CDK14: variants seen among roughly 807,000 people sequenced by gnomAD.
CDK14 encodes the protein cyclin dependent kinase 14.
CDK14 carries 34 observed loss-of-function variants against 60.7 expected under a neutral mutation model. That is an observed-to-expected ratio of 0.56 (90% CI 0.43 to 0.75). CDK14 has a LOEUF of 0.75. Ranked by LOEUF, CDK14 falls within the 30% of genes least tolerant of loss-of-function variation. The pLI is 0.00. For missense variants in CDK14, 482 were observed against 564.1 expected, an observed-to-expected ratio of 0.85 and a Z score of 1.47; for synonymous variants, 197 against 203.7, an observed-to-expected ratio of 0.97 and a Z score of 0.28.
At chr7:91,158,368 A>G (rs1801057216) in intron 14 of CDK14, among the ~76,000 whole-genome samples, 1 of 151,854 alleles carries the variant, frequency 6.6e-6, no homozygotes, top group Admixed American at 6.6e-5. Flanking sequence ...ACATGCTATC[A>G]TGCCCAGCTA....
In CDK14 at chr7:90,660,960, G is replaced by A. The variant is rs933032737; in HGVS notation, c.123+56711G>A. ...TACCTTTTTGTGGCCCAACTGCAAAGCAGTGGCTCCTGAGTCACAGGAGGT... is the reference window on the plus strand; with the variant it reads ...TACCTTTTTGTGGCCCAACTGCAAAACAGTGGCTCCTGAGTCACAGGAGGT... On this transcript the variant is annotated intron_variant, in intron 2 of 14. Transcript: ENST00000380050. Among the ~76,000 whole-genome samples the A allele has an allele frequency of 7.2e-5, 11 of 152,210 alleles. No homozygotes were observed. In the East Asian group the frequency reaches 2.1e-3, roughly 29 times the overall value.
intron 8 of CDK14, among the ~76,000 whole-genome samples, chr7:90,947,322 A>G (rs953495474): frequency 6.6e-6 from 1 of 152,136 alleles, no homozygotes; most frequent in African/African-American, 2.4e-5. Flanking sequence ...GCTACCATCC[A>G]ATGTGAGCCC....
In CDK14 at chr7:90,833,363, T is replaced by C. The variant is rs753750111; in HGVS notation, c.545-29812T>C. Among the ~76,000 whole-genome samples, 4 of 152,328 alleles carry C rather than the reference T, an allele frequency of 2.6e-5. No individual in the cohort carries two copies. In the South Asian group the frequency reaches 6.2e-4, roughly 24 times the overall value. ...CATTTATAAATGCATACCCCAGATA[T>C]ACTGAATCAGAATCTTTGAGGCTGA... On this transcript the variant is annotated intron_variant, in intron 5 of 14. Transcript: ENST00000380050.
intron 11 of CDK14, among the ~76,000 whole-genome samples, chr7:91,079,044 G>T (rs1050773157): frequency 2.0e-5 from 3 of 152,120 alleles, no homozygotes; most frequent in African/African-American, 7.2e-5. Context: ...TTTGGTCAGA[G>T]AAATCATCAT....
At chr7:90,720,262 G>A (rs989251760) in intron 2 of CDK14, among the ~76,000 whole-genome samples, 9 of 152,276 alleles carry the variant, frequency 5.9e-5, no homozygotes, top group Admixed American at 4.6e-4. Flanking sequence ...CCGAGTGGGT[G>A]GGATTTAATC....
At chr7:90,880,483 C>G (rs1449415317) in intron 6 of CDK14, among the ~76,000 whole-genome samples, 1 of 152,152 alleles carries the variant, frequency 6.6e-6, no homozygotes, top group Non-Finnish European at 1.5e-5. Context: ...TCTCTGCGGA[C>G]CAGCAGACTT....
chr7:90,943,722 G>A (rs1055544368), intron 8 of CDK14, among the ~76,000 whole-genome samples: 6 of 152,158 alleles, frequency 3.9e-5, no homozygotes, highest in South Asian at 2.1e-4. Context: ...GAGCTTTAAC[G>A]TGATTCAACT....
rs949950249 is a variant in CDK14, at chr7:90,619,319, A to G, written c.123+15070A>G. 3.2e-4 allele frequency among the ~76,000 whole-genome samples: 49 copies of G among 152,252 alleles called. 1 individual carries two copies. Among genetic ancestry groups the G allele is most frequent in the Admixed American group, 6.5e-5 (1 of 15,288 alleles). On this transcript the variant is annotated intron_variant, in intron 2 of 14. Transcript: ENST00000380050. ...TTTTAAGCCCATTTCAAATAACACA[A>G]TTGACACATATGTAGGGGTTTAAGG...
chr7:91,095,068 T>G (rs954273617), intron 12 of CDK14, among the ~76,000 whole-genome samples: 13 of 152,228 alleles, frequency 8.5e-5, no homozygotes, highest in African/African-American at 2.7e-4. Context: ...TCCACTCTTA[T>G]AGAACTTATC....
chr7:91,084,027 A>G (rs549991028), intron 12 of CDK14, among the ~76,000 whole-genome samples: 1 of 152,320 alleles, frequency 6.6e-6, no homozygotes, highest in East Asian at 1.9e-4. Flanking sequence ...TCACATCCCC[A>G]CATATGCTTA....
Position 90,963,143 on chromosome 7 carries a change from A to G in CDK14, c.947+7326A>G, listed in dbSNP as rs941055865. 4.0e-5 allele frequency among the ~76,000 whole-genome samples: 6 copies of G among 148,558 alleles called. No homozygotes were observed. In the Admixed American group the frequency reaches 4.1e-4, roughly 10 times the overall value. On this transcript the variant is annotated intron_variant, in intron 9 of 14. Transcript: ENST00000380050. The stretch of plus-strand genomic sequence containing the variant: ...TGTGTGTTTTAATTTAGAAATATAT[A>G]GGCAGGAGTGTTGGCTTACACCTGT...
intron 5 of CDK14, among the ~76,000 whole-genome samples, chr7:90,841,560 C>T (rs1015961774): frequency 2.0e-5 from 3 of 151,132 alleles, no homozygotes; most frequent in Non-Finnish European, 1.5e-5. Flanking sequence ...TGTTAGTTGC[C>T]CATAACAGAG....
intron 14 of CDK14, among the ~76,000 whole-genome samples, chr7:91,161,577 G>T (rs1264310652): frequency 1.3e-5 from 2 of 152,152 alleles, no homozygotes; most frequent in African/African-American, 4.8e-5. Flanking sequence ...CGGAGTGAAG[G>T]TTAAAAAATC....
At chr7:91,206,612 G>A (rs961485904) in intron 14 of CDK14, among the ~76,000 whole-genome samples, 3 of 152,162 alleles carry the variant, frequency 2.0e-5, no homozygotes, top group Non-Finnish European at 2.9e-5. Flanking sequence ...TTGGAAACAC[G>A]CAGTCCTATA....
At chr7:90,679,411 A>G (rs993127468) in intron 2 of CDK14, among the ~76,000 whole-genome samples, 4 of 152,318 alleles carry the variant, frequency 2.6e-5, no homozygotes, top group Middle Eastern at 3.4e-3. Flanking sequence ...AAGTATTTCT[A>G]TGTGTGTTTG....
At chr7:90,799,755 A>T (rs1451376932) in intron 5 of CDK14, among the ~76,000 whole-genome samples, 1 of 151,306 alleles carries the variant, frequency 6.6e-6, no homozygotes, top group Non-Finnish European at 1.5e-5. Flanking sequence ...GCCTATACTT[A>T]AACGTTATAC....
At chr7:91,166,043 A>G (rs1034519811) in intron 14 of CDK14, among the ~76,000 whole-genome samples, 1 of 152,148 alleles carries the variant, frequency 6.6e-6, no homozygotes, top group Non-Finnish European at 1.5e-5. Context: ...CCTTCAAACT[A>G]CTACACCAAG....
chr7:90,725,144 T>A (rs1802588373), intron 2 of CDK14, among the ~76,000 whole-genome samples: 1 of 152,228 alleles, frequency 6.6e-6, no homozygotes, highest in African/African-American at 2.4e-5. Flanking sequence ...TGGCTTATTT[T>A]AATTATACAT....
At chr7:90,816,078 AT>A (rs201348455) in intron 5 of CDK14, among the ~76,000 whole-genome samples, 11,155 of 152,180 alleles carry the variant, frequency 0.073, 512 homozygotes, top group South Asian at 0.11. Flanking sequence ...AGAACTTAAA[AT>A]TTTTTTAAAA....
Sources: allele counts gnomAD v4.1 joint callset (sites outside exome capture counted in the v4.1 genomes callset), GRCh38; gene constraint gnomAD v4.1.1; transcripts MANE v1.5; gene names NCBI Gene and HGNC (gene_info 2026-07-23, HGNC 2026-07-21).